Variants in ACOXL observed in about 807,000 individuals in gnomAD.
ACOXL encodes acyl-coenzyme A oxidase-like protein.
ACOXL carries 70 observed loss-of-function variants against 71.9 expected under a neutral mutation model. The ratio of observed to expected loss-of-function variants is 0.97; its 90% CI spans 0.80 to 1.19. The LOEUF (loss-of-function observed/expected upper bound fraction) is 1.19. Ranked by LOEUF, ACOXL falls within the 50% of genes most tolerant of loss-of-function variation. The pLI, the probability that ACOXL is intolerant of heterozygous loss-of-function variation, is 0.00. For missense variants in ACOXL, 703 were observed against 736.3 expected (o/e 0.95, Z 0.52); for synonymous variants, 253 against 281.6 (o/e 0.90, Z 1.02).
At chr2:110,954,168 T>G (rs2061421772) in intron 12 of ACOXL, among the ~76,000 whole-genome samples, 1 of 152,248 alleles carries the variant, frequency 6.6e-6, no homozygotes, top group African/African-American at 2.4e-5. Flanking sequence ...TTGTCTAATA[T>G]TAACATAAGG....
At chr2:111,093,047 C>A (rs561935042) in intron 17 of ACOXL, 81 bp downstream of exon 17, 3 of 1,142,258 alleles carry the variant, frequency 2.6e-6, no homozygotes, top group South Asian at 2.8e-5. Flanking sequence ...TCCTGCCAAT[C>A]TTCTATCAGT....
At chr2:111,073,627 T>A (rs113194441) in intron 16 of ACOXL, among the ~76,000 whole-genome samples, 42 of 152,334 alleles carry the variant, frequency 2.8e-4, no homozygotes, top group African/African-American at 9.6e-4. Flanking sequence ...GACCTACGTG[T>A]ATATTTCTCA....
chr2:110,965,461 C>A (rs374808672), intron 12 of ACOXL, among the ~76,000 whole-genome samples: 1 of 152,242 alleles, frequency 6.6e-6, no homozygotes, highest in East Asian at 1.9e-4. Flanking sequence ...TTTACCTTCC[C>A]ACCAACAGTG....
chr2:111,050,215 T>C (rs2066223278), intron 16 of ACOXL, among the ~76,000 whole-genome samples: 1 of 152,084 alleles, frequency 6.6e-6, no homozygotes, highest in East Asian at 1.9e-4. Context: ...GGTGTCACTC[T>C]GAGGGATTTT....
At chr2:111,008,264 G>A (rs898403348) in intron 14 of ACOXL, among the ~76,000 whole-genome samples, 2 of 152,058 alleles carry the variant, frequency 1.3e-5, no homozygotes, top group South Asian at 2.1e-4. Flanking sequence ...TTGGCTAAGC[G>A]AAATATTACT....
Position 110,924,552 on chromosome 2 carries a change from C to A in ACOXL, c.906-8937C>A, listed in dbSNP as rs1360867002. On this transcript the variant is annotated intron_variant, in intron 11 of 17. Coordinates refer to ENST00000439055, the MANE Select transcript of ACOXL (RefSeq NM_001142807.4). ...GAGTAGATTCTATCTCAAGAAACCA[C>A]TTTCTTTGCTCCTTCATGAGAAGCA... 2.0e-5 allele frequency among the ~76,000 whole-genome samples: 3 copies of A among 152,170 alleles called. No individual in the cohort carries two copies. The East Asian group carries it at 5.8e-4, about 29-fold the overall frequency.
intron 11 of ACOXL, among the ~76,000 whole-genome samples, chr2:110,929,981 C>A (rs954161486): frequency 6.6e-6 from 1 of 152,198 alleles, no homozygotes; most frequent in African/African-American, 2.4e-5. Context: ...AGAACCTTTG[C>A]TAGGGTAGTG....
chr2:110,751,084 G>C (rs1444556717), intron 1 of ACOXL, among the ~76,000 whole-genome samples: 1 of 152,046 alleles, frequency 6.6e-6, no homozygotes, highest in East Asian at 2.0e-4. Context: ...GGATCATGAG[G>C]TCAGGAGATT....
At chr2:111,102,817 C>G (rs1383844172) in intron 17 of ACOXL, among the ~76,000 whole-genome samples, 1 of 152,168 alleles carries the variant, frequency 6.6e-6, no homozygotes. Flanking sequence ...GATATTCTAG[C>G]TAGAAATCAA....
At chr2:110,931,031 C>T (rs547344940) in intron 11 of ACOXL, among the ~76,000 whole-genome samples, 3 of 152,272 alleles carry the variant, frequency 2.0e-5, no homozygotes, top group African/African-American at 7.2e-5. Flanking sequence ...TGAGACATCA[C>T]CTATTAAATA....
chr2:110,764,490 G>C (rs1163116778), intron 1 of ACOXL, among the ~76,000 whole-genome samples: 1 of 152,212 alleles, frequency 6.6e-6, no homozygotes, highest in Non-Finnish European at 1.5e-5. Context: ...AAAAAGATCA[G>C]TGGCTGTCAG....
chr2:110,920,854 A>G (rs2060040830), intron 11 of ACOXL, among the ~76,000 whole-genome samples: 1 of 151,968 alleles, frequency 6.6e-6, no homozygotes, highest in Non-Finnish European at 1.5e-5. Context: ...GTCTTCTTTG[A>G]GTTCTGTTTT....
chr2:111,002,029 T>TTC (rs147140146), intron 14 of ACOXL, among the ~76,000 whole-genome samples: 3,231 of 150,712 alleles, frequency 0.021, 111 homozygotes, highest in African/African-American at 0.075. Context: ...GTCTCTGTCT[T>TTC]TCTCTCTCTC....
intron 11 of ACOXL, among the ~76,000 whole-genome samples, chr2:110,929,447 C>T (rs2060400663): frequency 6.6e-6 from 1 of 152,180 alleles, no homozygotes; most frequent in African/African-American, 2.4e-5. Context: ...CTGTTAAAAA[C>T]ATTCTATTTT....
At chr2:111,011,760 T>C (rs1364809277) in intron 14 of ACOXL, among the ~76,000 whole-genome samples, 1 of 151,880 alleles carries the variant, frequency 6.6e-6, no homozygotes, top group Non-Finnish European at 1.5e-5. Flanking sequence ...GTAACACAGC[T>C]GTTATCCCAG....
chr2:110,763,881 A>G (rs1167500909), intron 1 of ACOXL, among the ~76,000 whole-genome samples: 1 of 152,232 alleles, frequency 6.6e-6, no homozygotes, highest in East Asian at 1.9e-4. Context: ...AAAATGGGCC[A>G]AAGACCTTAA....
chr2:111,083,592 A>AT (rs1558950542), intron 16 of ACOXL, among the ~76,000 whole-genome samples: 1 of 151,410 alleles, frequency 6.6e-6, no homozygotes, highest in Non-Finnish European at 1.5e-5. Flanking sequence ...TCACATAAGC[A>AT]TGTAGCATTC....
chr2:110,923,128 C>T (rs776727053), intron 11 of ACOXL, among the ~76,000 whole-genome samples: 1 of 152,146 alleles, frequency 6.6e-6, no homozygotes, highest in African/African-American at 2.4e-5. Context: ...AAGAGACTGC[C>T]TTCACTTTAA....
chr2:110,999,522 A>G (rs66509834), intron 14 of ACOXL, among the ~76,000 whole-genome samples: 10,408 of 152,176 alleles, frequency 0.068, 451 homozygotes, highest in East Asian at 0.22. Context: ...GTCCTCCAAG[A>G]TGGACCCCCA....
Sources: gnomAD v4.1 joint callset for allele counts (sites outside exome capture counted in the v4.1 genomes callset) on GRCh38, gnomAD v4.1.1 for gene constraint, MANE v1.5 for transcripts, NCBI Gene and HGNC (gene_info 2026-07-23, HGNC 2026-07-21) for gene names.